The following CARMIL1 variants were observed in gnomAD, a reference collection of about 807,000 sequenced individuals.
CARMIL1 encodes the protein F-actin-uncapping protein LRRC16A.
A neutral mutation model predicts 177.1 loss-of-function variants in CARMIL1; 90 were observed. That is an observed-to-expected ratio of 0.51 (90% CI 0.43 to 0.61). The LOEUF is 0.61. Among genes scored for constraint, CARMIL1 ranks in the 20% least tolerant of loss-of-function variants. The pLI is 0.00. For missense variants in CARMIL1, 1,380 were observed against 1,667.0 expected (o/e 0.83, Z 3.00); for synonymous variants, 577 against 606.2 (o/e 0.95, Z 0.71).
chr6:25,293,295 TGTGTG>T (rs1308362996), intron 2 of CARMIL1, among the ~76,000 whole-genome samples: 3 of 150,912 alleles, frequency 2.0e-5, no homozygotes, highest in African/African-American at 7.3e-5. Flanking sequence ...TGTGTGTGTG[TGTGTG>T]TGTGTTTTGT....
At chr6:25,463,923 C>T (rs1017764231) in intron 8 of CARMIL1, among the ~76,000 whole-genome samples, 9 of 142,418 alleles carry the variant, frequency 6.3e-5, no homozygotes, top group African/African-American at 1.6e-4. Context: ...CCCGGGTTCA[C>T]GCCATTCTCC....
chr6:25,302,862 A>G (rs568239838), intron 2 of CARMIL1, among the ~76,000 whole-genome samples: 1 of 152,306 alleles, frequency 6.6e-6, no homozygotes, highest in South Asian at 2.1e-4. Context: ...TCTGCTTCCC[A>G]CTACACTCAA....
At chr6:25,285,075 G>C (rs1054542541) in intron 2 of CARMIL1, among the ~76,000 whole-genome samples, 166 bp downstream of exon 2, 2 of 152,130 alleles carry the variant, frequency 1.3e-5, no homozygotes, top group Non-Finnish European at 2.9e-5. Flanking sequence ...TTTGTCAAAA[G>C]TTAAAAATAG....
chr6:25,619,171 G>C (rs994714992), intron 36 of CARMIL1, among the ~76,000 whole-genome samples: 9 of 152,202 alleles, frequency 5.9e-5, no homozygotes, highest in African/African-American at 2.2e-4. Flanking sequence ...TTTCCTCGGG[G>C]GTCCTAACCT....
At chr6:25,534,679 G>T (rs2151116636) in intron 24 of CARMIL1, among the ~76,000 whole-genome samples, 1 of 152,162 alleles carries the variant, frequency 6.6e-6, no homozygotes, top group East Asian at 1.9e-4. Flanking sequence ...CAGCAGTGAA[G>T]AAAATAAAAT....
At chr6:25,351,649 A>G (rs1788108521) in intron 2 of CARMIL1, among the ~76,000 whole-genome samples, 1 of 152,212 alleles carries the variant, frequency 6.6e-6, no homozygotes, top group African/African-American at 2.4e-5. Flanking sequence ...GTGTTACACA[A>G]TGGTTCAGAA....
intron 2 of CARMIL1, among the ~76,000 whole-genome samples, chr6:25,290,132 A>G (rs1051981380): frequency 6.6e-6 from 1 of 151,882 alleles, no homozygotes; most frequent in African/African-American, 2.4e-5. Context: ...GTCTCACTTT[A>G]TCACCCAAGC....
At chr6:25,581,216 T>A in intron 30 of CARMIL1, 27 bp from the exon 31 acceptor site, 1 of 1,588,872 alleles carries the variant, frequency 6.3e-7, no homozygotes, top group East Asian at 2.4e-5. Context: ...TTGGGCTGTT[T>A]TTTTGTTTTT....
At chr6:25,617,116 C>T (rs935235810) in intron 36 of CARMIL1, among the ~76,000 whole-genome samples, 21 of 152,126 alleles carry the variant, frequency 1.4e-4, no homozygotes, top group African/African-American at 4.8e-4. Context: ...ATTATTTTTC[C>T]TCCTACAACC....
rs527663523 is a variant in CARMIL1, at chr6:25,402,873, T to A, written c.139-17241T>A. On this transcript the variant is annotated intron_variant, in intron 2 of 36. Transcript: ENST00000329474. Reference sequence around the variant, plus strand: ...ATTGTGTTTTAGAATTTAAATAGAATCTCAGGTTATATATTATAGGTATTA... The same window carrying A: ...ATTGTGTTTTAGAATTTAAATAGAAACTCAGGTTATATATTATAGGTATTA... 2.0e-5 allele frequency among the ~76,000 whole-genome samples: 3 copies of A among 152,242 alleles called. No individual in the cohort carries two copies. The South Asian group carries it at 6.2e-4, about 32-fold the overall frequency.
rs923249582 is a variant in CARMIL1 at position 25,420,143 on chromosome 6, A to G, written c.168A>G (p.Val56=). The change falls in exon 3 of 37, where the codon GTA becomes GTG. Residue 56 remains valine, a synonymous_variant. Coordinates refer to ENST00000329474, the MANE Select transcript of CARMIL1 (RefSeq NM_017640.6). The part of the protein sequence containing the change: ...LVLTSCRAFL[V]TARIPTKLEL... Reference sequence around the variant, plus strand: ...TTACATCATGCCGAGCCTTCCTTGTAACAGCGCGAATCCCCACCAAGGTAA... The same window carrying G: ...TTACATCATGCCGAGCCTTCCTTGTGACAGCGCGAATCCCCACCAAGGTAA... 2 of 1,613,412 alleles carry G rather than the reference A, an allele frequency of 1.2e-6. No individual in the cohort carries two copies. Among genetic ancestry groups the G allele is most frequent in the Non-Finnish European group, 1.7e-6 (2 of 1,179,560 alleles).
chr6:25,530,271 C>T lies in CARMIL1; in HGVS notation c.2067+1378C>T, dbSNP rs559096345. On this transcript the variant is annotated intron_variant, in intron 24 of 36. Transcript: ENST00000329474. Reference sequence around the variant, plus strand: ...CTGTGGCTCACGCCTGCAATCTCAACGCTTGGGAGGTCGAGACAGGTGGAT... The same window carrying T: ...CTGTGGCTCACGCCTGCAATCTCAATGCTTGGGAGGTCGAGACAGGTGGAT... 9.1e-4 allele frequency among the ~76,000 whole-genome samples: 138 copies of T among 152,076 alleles called. 1 individual carries two copies. The highest frequency in any genetic ancestry group is 3.4e-3 in the Middle Eastern group (1 of 294).
chr6:25,549,538 G>C (rs367905141), intron 26 of CARMIL1, among the ~76,000 whole-genome samples: 5 of 152,136 alleles, frequency 3.3e-5, no homozygotes, highest in East Asian at 3.9e-4. Flanking sequence ...TGGGGACAGA[G>C]CACTGTCAAA....
At chr6:25,381,606 TC>T (rs1429936209) in intron 2 of CARMIL1, among the ~76,000 whole-genome samples, 1 of 152,198 alleles carries the variant, frequency 6.6e-6, no homozygotes, top group Non-Finnish European at 1.5e-5. Context: ...TCACTTTACT[TC>T]CTATTACTGG....
At chr6:25,518,137 C>T (rs1346612316) in intron 22 of CARMIL1, among the ~76,000 whole-genome samples, 2 of 152,094 alleles carry the variant, frequency 1.3e-5, no homozygotes, top group Non-Finnish European at 1.5e-5. Flanking sequence ...AGCCGTTTCC[C>T]TGGGAAAGGG....
At chr6:25,476,440 GT>G (rs1473586151) in intron 11 of CARMIL1, among the ~76,000 whole-genome samples, 2 of 152,140 alleles carry the variant, frequency 1.3e-5, no homozygotes, top group Non-Finnish European at 2.9e-5. Flanking sequence ...ATTCATTGCT[GT>G]ATTTGCCAGT....
At chr6:25,360,263 A>G (rs1195079649) in intron 2 of CARMIL1, among the ~76,000 whole-genome samples, 1 of 152,172 alleles carries the variant, frequency 6.6e-6, no homozygotes, top group East Asian at 1.9e-4. Context: ...AAAAATCACT[A>G]TTTCTTGTAT....
chr6:25,313,957 T>G (rs1330740184), intron 2 of CARMIL1, among the ~76,000 whole-genome samples: 2 of 151,530 alleles, frequency 1.3e-5, no homozygotes, highest in African/African-American at 2.4e-5. Context: ...GAGTTTAAAA[T>G]TAGATGTTCA....
intron 29 of CARMIL1, among the ~76,000 whole-genome samples, chr6:25,575,895 G>T (rs1039762456): frequency 5.9e-5 from 9 of 152,058 alleles, no homozygotes; most frequent in Admixed American, 5.9e-4. Context: ...ACAAATTGAG[G>T]AGCCCTGTAT....
Sources: gnomAD v4.1 joint callset for allele counts (sites outside exome capture counted in the v4.1 genomes callset) on GRCh38, gnomAD v4.1.1 for gene constraint, MANE v1.5 for transcripts, NCBI Gene and HGNC (gene_info 2026-07-23, HGNC 2026-07-21) for gene names.